Variants in SNTG1 observed in about 807,000 individuals in gnomAD.
The protein encoded by SNTG1 is syntrophin gamma 1.
A neutral mutation model predicts 74.7 loss-of-function variants in SNTG1; 39 were observed. The ratio of observed to expected loss-of-function variants is 0.52; its 90% confidence interval spans 0.40 to 0.68. The LOEUF is 0.68. Among genes scored for constraint, SNTG1 ranks in the 30% least tolerant of loss-of-function variants. The probability of loss-of-function intolerance (pLI) is 0.00; values close to 1 mark genes in which losing one functional copy is unlikely to be tolerated. For missense variants in SNTG1, 685 were observed against 609.5 expected (o/e 1.12, Z -1.30); for synonymous variants, 254 against 217.1 (o/e 1.17, Z -1.49).
chr8:50,468,490 T>C (rs534368641), intron 8 of SNTG1, among the ~76,000 whole-genome samples: 217 of 152,274 alleles, frequency 1.4e-3, no homozygotes, highest in African/African-American at 5.1e-3. Flanking sequence ...TAGCAAAGTA[T>C]ATTTTTCTCC....
chr8:50,089,523 T>C (rs2079631629), intron 1 of SNTG1, among the ~76,000 whole-genome samples: 1 of 151,966 alleles, frequency 6.6e-6, no homozygotes, highest in Admixed American at 6.6e-5. Flanking sequence ...AAAGGGCTAA[T>C]ATCCAGAATC....
chr8:50,183,825 C>T (rs1276608695), intron 2 of SNTG1, among the ~76,000 whole-genome samples: 1 of 152,132 alleles, frequency 6.6e-6, no homozygotes, highest in African/African-American at 2.4e-5. Context: ...TATCTATTTT[C>T]TCTCCAAACT....
Position 50,450,765 on chromosome 8 carries a change from C to A in SNTG1, c.363+36C>A, listed in dbSNP as rs200988230. The A allele has an allele frequency of 3.7e-4, 597 of 1,602,314 alleles. 1 individual carries two copies. The Middle Eastern group carries it at 3.8e-3, about 10-fold the overall frequency. ...TTTTTCCTAATGTCATAGTTTTCCC[C>A]ATGTGCAAATAAGAATTTAGTGCAT... On this transcript the variant is annotated intron_variant, in intron 8 of 18. Transcript: ENST00000642720.
At chr8:50,413,133 GAT>G (rs1361380249) in intron 4 of SNTG1, among the ~76,000 whole-genome samples, 1 of 152,140 alleles carries the variant, frequency 6.6e-6, no homozygotes, top group Non-Finnish European at 1.5e-5. Flanking sequence ...CTTACAAAAA[GAT>G]ATGTCATTAT....
intron 17 of SNTG1, among the ~76,000 whole-genome samples, chr8:50,733,481 T>C (rs1177863535): frequency 6.6e-6 from 1 of 151,994 alleles, no homozygotes; most frequent in African/African-American, 2.4e-5. Context: ...GGTATCTCTG[T>C]TTTAACTTCT....
At chr8:50,475,245 T>A (rs898295848) in intron 8 of SNTG1, among the ~76,000 whole-genome samples, 28 of 150,510 alleles carry the variant, frequency 1.9e-4, no homozygotes, top group South Asian at 4.2e-4. Context: ...ATAATAATAA[T>A]AAAAAAGAGC....
chr8:50,211,841 G>A (rs1272523781), intron 2 of SNTG1, among the ~76,000 whole-genome samples: 1 of 152,064 alleles, frequency 6.6e-6, no homozygotes, highest in African/African-American at 2.4e-5. Context: ...TTATTTTCCT[G>A]TTATTCTGTG....
intron 18 of SNTG1, among the ~76,000 whole-genome samples, chr8:50,775,606 T>C (rs1585762176): frequency 1.3e-5 from 2 of 151,814 alleles, no homozygotes; most frequent in South Asian, 4.1e-4. Context: ...TGTCCAAAAG[T>C]TCTAAAAATG....
At chr8:50,534,089 A>T (rs528766166) in intron 10 of SNTG1, among the ~76,000 whole-genome samples, 31 of 152,340 alleles carry the variant, frequency 2.0e-4, no homozygotes, top group African/African-American at 6.7e-4. Context: ...ATGTGAAATA[A>T]TCAAGTAAAA....
chr8:50,568,227 T>TTGTTTGTATGTGTGTG (rs140888701), intron 12 of SNTG1, among the ~76,000 whole-genome samples: 1 of 146,282 alleles, frequency 6.8e-6, no homozygotes, highest in Admixed American at 6.9e-5. Context: ...TTGTCCATGT[T>TTGTTTGTATGTGTGTG]TGTGTGTGTG....
chr8:50,263,467 T>A (rs2087299754), intron 2 of SNTG1, among the ~76,000 whole-genome samples: 1 of 152,072 alleles, frequency 6.6e-6, no homozygotes, highest in African/African-American at 2.4e-5. Context: ...AAAGTGTCTC[T>A]AGGAGACACA....
chr8:50,123,245 G>A (rs2081050935), intron 1 of SNTG1, among the ~76,000 whole-genome samples: 1 of 143,006 alleles, frequency 7.0e-6, no homozygotes, highest in African/African-American at 2.5e-5. Flanking sequence ...GTACCGCTCA[G>A]TGCTCCAACA....
chr8:50,193,194 T>C (rs1233265213), intron 2 of SNTG1, among the ~76,000 whole-genome samples: 1 of 149,788 alleles, frequency 6.7e-6, no homozygotes, highest in South Asian at 2.1e-4. Context: ...AGAATGATGG[T>C]GGTATTTTGA....
chr8:50,514,686 A>C (rs2094116482), intron 9 of SNTG1, among the ~76,000 whole-genome samples: 1 of 152,164 alleles, frequency 6.6e-6, no homozygotes, highest in Non-Finnish European at 1.5e-5. Context: ...TACACATAAG[A>C]AGAATGTATA....
At chr8:49,950,500 A>G (rs1809609586) in intron 1 of SNTG1, among the ~76,000 whole-genome samples, 1 of 152,184 alleles carries the variant, frequency 6.6e-6, no homozygotes, top group Admixed American at 6.5e-5. Context: ...CCAATTAAGT[A>G]AAATACACCT....
At chr8:50,406,860 A>G (rs1161021968) in intron 4 of SNTG1, among the ~76,000 whole-genome samples, 1 of 152,064 alleles carries the variant, frequency 6.6e-6, no homozygotes, top group Non-Finnish European at 1.5e-5. Context: ...ACCTGAAAGT[A>G]CTTCCTGGGA....
intron 1 of SNTG1, among the ~76,000 whole-genome samples, chr8:50,029,456 G>A (rs991442499): frequency 6.6e-6 from 1 of 151,256 alleles, no homozygotes; most frequent in Non-Finnish European, 1.5e-5. Context: ...CTATCTAACT[G>A]TATTTTTGCA....
intron 12 of SNTG1, among the ~76,000 whole-genome samples, chr8:50,556,966 A>C (rs1362591687): frequency 1.3e-5 from 2 of 152,142 alleles, no homozygotes; most frequent in African/African-American, 4.8e-5. Context: ...CTCAACACAC[A>C]AAGATGTCCC....
At chr8:50,197,098 G>A (rs1183252665) in intron 2 of SNTG1, among the ~76,000 whole-genome samples, 1 of 152,048 alleles carries the variant, frequency 6.6e-6, no homozygotes, top group Non-Finnish European at 1.5e-5. Context: ...TGAAAAGTAG[G>A]AACTGGAAGA....
Sources: gnomAD v4.1 joint callset for allele counts (sites outside exome capture counted in the v4.1 genomes callset) on GRCh38, gnomAD v4.1.1 for gene constraint, MANE v1.5 for transcripts, NCBI Gene and HGNC (gene_info 2026-07-23, HGNC 2026-07-21) for gene names.